Variants in OPCML observed in about 807,000 individuals in gnomAD.
OPCML encodes the protein opioid-binding protein/cell adhesion molecule.
OPCML carries 13 observed loss-of-function variants against 37.8 expected under a neutral mutation model. That is an observed-to-expected ratio of 0.34 (90% confidence interval 0.22 to 0.55). The LOEUF (loss-of-function observed/expected upper bound fraction) is 0.55. Among genes scored for constraint, OPCML ranks in the 20% least tolerant of loss-of-function variants. OPCML has a pLI of 0.91. For synonymous variants in OPCML, 176 were observed against 168.8 expected, an observed-to-expected ratio of 1.04 and a Z score of -0.33; for missense variants, 341 against 435.6, an observed-to-expected ratio of 0.78 and a Z score of 1.93.
intron 2 of OPCML, among the ~76,000 whole-genome samples, chr11:132,756,793 T>G (rs904758995): frequency 6.6e-6 from 1 of 152,180 alleles, no homozygotes; most frequent in Admixed American, 6.5e-5. Flanking sequence ...TTTCTTTTTT[T>G]ATTATACTTT....
At chr11:133,434,833 T>G in intron 1 of OPCML, among the ~76,000 whole-genome samples, 1 of 143,138 alleles carries the variant, frequency 7.0e-6, no homozygotes, top group African/African-American at 2.5e-5. Flanking sequence ...TACACACACA[T>G]ATATATATTT....
chr11:133,270,770 C>T (rs115370929), intron 1 of OPCML, among the ~76,000 whole-genome samples: 1,733 of 152,208 alleles, frequency 0.011, 30 homozygotes, highest in African/African-American at 0.038. Flanking sequence ...AACATGCTTG[C>T]GACACGTGTG....
At chr11:132,732,548 G>A (rs567628497) in intron 2 of OPCML, among the ~76,000 whole-genome samples, 8 of 152,228 alleles carry the variant, frequency 5.3e-5, no homozygotes, top group Admixed American at 3.9e-4. Flanking sequence ...TCATGAAACG[G>A]TAGTTAAAAT....
At chr11:132,638,492 A>G (rs1391067942) in intron 3 of OPCML, among the ~76,000 whole-genome samples, 2 of 152,326 alleles carry the variant, frequency 1.3e-5, no homozygotes, top group Non-Finnish European at 2.9e-5. Context: ...AGTTAGGATT[A>G]TTACAGGGGC....
At chr11:133,123,566 C>A (rs533816214) in intron 1 of OPCML, among the ~76,000 whole-genome samples, 2 of 152,268 alleles carry the variant, frequency 1.3e-5, no homozygotes, top group East Asian at 1.9e-4. Context: ...CCACCTCCCT[C>A]CCCTGAAGCT....
At chr11:132,745,814 A>G (rs1455111389) in intron 2 of OPCML, among the ~76,000 whole-genome samples, 1 of 152,168 alleles carries the variant, frequency 6.6e-6, no homozygotes, top group Non-Finnish European at 1.5e-5. Flanking sequence ...GGTCAACTAA[A>G]GGGCTCCATG....
chr11:133,196,457 A>G (rs1439665193), intron 1 of OPCML, among the ~76,000 whole-genome samples: 1 of 152,196 alleles, frequency 6.6e-6, no homozygotes, highest in East Asian at 1.9e-4. Context: ...GTGAGAAGAC[A>G]AAATCTAAGC....
At chr11:133,140,955 A>C (rs1284568723) in intron 1 of OPCML, among the ~76,000 whole-genome samples, 152 of 1,924 alleles carry the variant, frequency 0.079, 14 homozygotes, top group African/African-American at 0.11. Context: ...ACGACGAAGA[A>C]GAAGAAGAAG....
At chr11:132,963,751 A>ATATTAT (rs59566577) in intron 1 of OPCML, among the ~76,000 whole-genome samples, 3 of 151,234 alleles carry the variant, frequency 2.0e-5, no homozygotes, top group Admixed American at 6.6e-5. Flanking sequence ...CCGTATTACG[A>ATATTAT]TATTATTATT....
rs1033163736 is a variant in OPCML, at chr11:132,943,311, C to T, written c.62-301G>A. On this transcript the variant is annotated intron_variant, in intron 1 of 7. Coordinates refer to ENST00000524381, the MANE Select transcript of OPCML (RefSeq NM_001012393.5). This position sits in a 1 kb window ranked among gnomAD's most constrained non-coding sequence, Gnocchi z 4.3. ...TCCAGCCTAGCAGAACCAGATGCCCCCTCCTGCATCCAAAAAGAGCTTTCT... is the reference window on the plus strand; with the variant it reads ...TCCAGCCTAGCAGAACCAGATGCCCTCTCCTGCATCCAAAAAGAGCTTTCT... 4.3e-5 allele frequency: 28 copies of T among 648,362 alleles called. No homozygotes were observed. Among genetic ancestry groups the T allele is most frequent in the South Asian group, 8.6e-5 (4 of 46,386 alleles). The allele number at this position is 648,362 out of a possible 1,614,324, so 40.2% of individuals were successfully genotyped here. A position where few individuals can be genotyped will look rare whatever the true frequency, so the allele number is the denominator to read the frequency against.
chr11:133,239,443 G>A (rs563524134), intron 1 of OPCML, among the ~76,000 whole-genome samples: 6 of 152,334 alleles, frequency 3.9e-5, no homozygotes, highest in Admixed American at 1.3e-4. Context: ...GTTTAGTGGA[G>A]TAGAGAGAAA....
chr11:133,099,393 G>A (rs564988865), intron 1 of OPCML, among the ~76,000 whole-genome samples: 37 of 150,820 alleles, frequency 2.5e-4, no homozygotes, highest in Admixed American at 6.6e-4. Context: ...CTCCTGAGTA[G>A]CTGGGACTAC....
intron 1 of OPCML, among the ~76,000 whole-genome samples, chr11:133,415,176 G>A (rs1271166764): frequency 2.6e-5 from 4 of 152,150 alleles, no homozygotes; most frequent in Admixed American, 6.5e-5. Context: ...TTGGGAGGCC[G>A]AGGCGGGCGG....
chr11:133,326,824 G>A (rs1245453070), intron 1 of OPCML, among the ~76,000 whole-genome samples: 1 of 145,682 alleles, frequency 6.9e-6, no homozygotes, highest in Admixed American at 6.8e-5. Flanking sequence ...TGTGGGTGGG[G>A]GTTGTGGGTG....
At chr11:133,321,203 A>G (rs1253675783) in intron 1 of OPCML, among the ~76,000 whole-genome samples, 1 of 152,132 alleles carries the variant, frequency 6.6e-6, no homozygotes. Context: ...TTCCTTTTCT[A>G]CTCATTTCCT....
intron 4 of OPCML, among the ~76,000 whole-genome samples, chr11:132,479,981 C>T (rs901888276): frequency 6.2e-4 from 94 of 152,302 alleles, no homozygotes; most frequent in African/African-American, 1.8e-3. Context: ...TCCAAAGGAA[C>T]GCAGTCCCTC....
intron 1 of OPCML, among the ~76,000 whole-genome samples, chr11:133,193,260 T>C (rs1037068611): frequency 6.6e-6 from 1 of 152,134 alleles, no homozygotes; most frequent in Non-Finnish European, 1.5e-5. Flanking sequence ...AGTCAGATCC[T>C]AGGTGGGCTG....
At chr11:132,629,566 C>A in intron 3 of OPCML, among the ~76,000 whole-genome samples, 1 of 152,186 alleles carries the variant, frequency 6.6e-6, no homozygotes, top group East Asian at 1.9e-4. Context: ...AATACTGTTA[C>A]ATAACCACTG....
intron 1 of OPCML, among the ~76,000 whole-genome samples, chr11:133,085,816 T>C (rs757981587): frequency 4.6e-5 from 7 of 152,366 alleles, no homozygotes; most frequent in South Asian, 4.1e-4. Context: ...GGTTCTAGTG[T>C]ATATCTGATC....
Sources: gnomAD v4.1 joint callset for allele counts (sites outside exome capture counted in the v4.1 genomes callset) on GRCh38, gnomAD v4.1.1 for gene constraint, Gnocchi (gnomAD v3.1) non-coding constraint, MANE v1.5 for transcripts, NCBI Gene and HGNC (gene_info 2026-07-23, HGNC 2026-07-21) for gene names.